FAM110B: variants seen among roughly 807,000 people sequenced by gnomAD.
FAM110B encodes the protein protein FAM110B.
A neutral mutation model predicts 20.4 loss-of-function variants in FAM110B; 6 were observed. The observed-to-expected ratio is 0.29, with a 90% CI of 0.16 to 0.58. The LOEUF (loss-of-function observed/expected upper bound fraction) is 0.58, where lower values mean the gene tolerates loss of function less well. FAM110B is among the 20% of genes least tolerant of loss of function. The probability of loss-of-function intolerance (pLI) is 0.90; values close to 1 mark genes in which losing one functional copy is unlikely to be tolerated. For missense variants in FAM110B, 434 were observed against 498.2 expected (o/e 0.87, Z 1.23); for synonymous variants, 226 against 214.1 (o/e 1.06, Z -0.49).
Position 58,086,981 on chromosome 8 carries a change from G to A in FAM110B, c.-325+11358G>A, listed in dbSNP as rs150379985. On this transcript the variant is annotated intron_variant, in intron 3 of 3. Coordinates refer to ENST00000519262, the MANE Select transcript of FAM110B (RefSeq NM_001377989.1). Reference sequence around the variant, plus strand: ...AGATAGTTGATGGGACACATAGCACGTGATCATGGGGCTAGATCTGAGCTC... The same window carrying A: ...AGATAGTTGATGGGACACATAGCACATGATCATGGGGCTAGATCTGAGCTC... Among the ~76,000 whole-genome samples, 902 of 152,324 alleles carry A rather than the reference G, an allele frequency of 5.9e-3. 9 individuals carry two copies. The highest frequency in any genetic ancestry group is 0.02 in the African/African-American group (817 of 41,576).
rs774009638 is a variant in FAM110B, at chr8:58,146,899, C to T, written c.669C>T (p.Pro223=). Residue 223 remains proline (P), a synonymous_variant, in exon 4 of 4, where the codon CCC becomes CCT. Coordinates refer to ENST00000519262, the MANE Select transcript of FAM110B (RefSeq NM_001377989.1). ...KAIPCSSSAP[P]LPPKPKIAAI... ...TCCCCTGCAGTAGCTCTGCCCCTCCCCTGCCTCCCAAGCCCAAAATCGCAG... is the reference window on the plus strand; with the variant it reads ...TCCCCTGCAGTAGCTCTGCCCCTCCTCTGCCTCCCAAGCCCAAAATCGCAG... 3 of 1,614,238 alleles carry T rather than the reference C, an allele frequency of 1.9e-6. No individual in the cohort carries two copies. Among genetic ancestry groups the T allele is most frequent in the Non-Finnish European group, 2.5e-6 (3 of 1,180,048 alleles).
At chr8:58,108,146 A>G (rs915189121) in intron 3 of FAM110B, among the ~76,000 whole-genome samples, 2 of 152,222 alleles carry the variant, frequency 1.3e-5, no homozygotes, top group Non-Finnish European at 2.9e-5. Context: ...AGAAAAACTT[A>G]AAGAGTTCTT....
At position 58,147,447 on chromosome 8, in the gene FAM110B, C is replaced by T; in HGVS notation, c.*104C>T. 1 of 1,370,422 alleles carries T rather than the reference C, an allele frequency of 7.3e-7. No individual in the cohort carries two copies. Among genetic ancestry groups the T allele is most frequent in the Non-Finnish European group, 9.9e-7 (1 of 1,006,656 alleles). 84.9% of individuals were successfully genotyped at this position (1,370,422 alleles called of 1,614,324 possible). ...GTGAGCTTCTCCACTCTTTGTGTTG[C>T]TTGTTGTGCAATGTTTTCAAGTTGC... On this transcript the variant is annotated 3_prime_UTR_variant, in exon 4 of 4. Transcript: ENST00000519262.
chr8:58,068,764 A>G (rs1213575044), intron 2 of FAM110B, among the ~76,000 whole-genome samples: 2 of 152,156 alleles, frequency 1.3e-5, no homozygotes, highest in African/African-American at 4.8e-5. Context: ...TGTAGAACAC[A>G]TTGAGAAGAA....
At chr8:58,133,209 T>G (rs938249424) in intron 3 of FAM110B, among the ~76,000 whole-genome samples, 3 of 151,912 alleles carry the variant, frequency 2.0e-5, no homozygotes, top group Non-Finnish European at 4.4e-5. Context: ...GATTTTGTTT[T>G]TTTTTTTTTT....
intron 3 of FAM110B, among the ~76,000 whole-genome samples, chr8:58,135,424 T>C (rs1341699253): frequency 1.3e-5 from 2 of 152,218 alleles, no homozygotes; most frequent in Non-Finnish European, 2.9e-5. Context: ...ATTTATCTAA[T>C]ACACTCACAG....
At chr8:58,135,293 T>G (rs778831799) in intron 3 of FAM110B, among the ~76,000 whole-genome samples, 4 of 152,224 alleles carry the variant, frequency 2.6e-5, no homozygotes, top group Non-Finnish European at 5.9e-5. Flanking sequence ...GGACAACATA[T>G]GTGCCTAATA....
chr8:58,093,406 C>T (rs1451310949), intron 3 of FAM110B, among the ~76,000 whole-genome samples: 1 of 151,984 alleles, frequency 6.6e-6, no homozygotes, highest in Non-Finnish European at 1.5e-5. Context: ...GTCTTTAATC[C>T]ATCTTGAGTT....
At chr8:58,004,906 AC>A (rs1183266109) in intron 1 of FAM110B, among the ~76,000 whole-genome samples, 4 of 152,152 alleles carry the variant, frequency 2.6e-5, no homozygotes, top group Admixed American at 2.0e-4. Flanking sequence ...TTTTATCCAG[AC>A]CACTAAAACT....
chr8:58,135,157 A>T (rs1052556678), intron 3 of FAM110B, among the ~76,000 whole-genome samples: 4 of 152,190 alleles, frequency 2.6e-5, no homozygotes, highest in African/African-American at 9.7e-5. Context: ...AACATCTTAG[A>T]CATCCTCTTT....
intron 3 of FAM110B, among the ~76,000 whole-genome samples, chr8:58,089,431 C>T (rs1351157930): frequency 6.6e-6 from 1 of 152,116 alleles, no homozygotes; most frequent in Non-Finnish European, 1.5e-5. Flanking sequence ...TTGCTTTCCA[C>T]AAAAAGATGT....
intron 3 of FAM110B, among the ~76,000 whole-genome samples, chr8:58,095,183 T>C (rs960428060): frequency 6.6e-6 from 1 of 152,148 alleles, no homozygotes; most frequent in East Asian, 1.9e-4. Flanking sequence ...TTGATCTTTC[T>C]AAAAACCAGC....
chr8:57,997,837 G>T (rs956020577), intron 1 of FAM110B, among the ~76,000 whole-genome samples: 1 of 152,206 alleles, frequency 6.6e-6, no homozygotes, highest in South Asian at 2.1e-4. Context: ...ATCCTCGATG[G>T]TTGATGGTGG....
chr8:58,036,770 G>C (rs968930545), intron 2 of FAM110B, among the ~76,000 whole-genome samples: 1 of 152,156 alleles, frequency 6.6e-6, no homozygotes, highest in Non-Finnish European at 1.5e-5. Context: ...TTCCTTATTT[G>C]CTTTAGGTAT....
chr8:58,039,083 T>C (rs1805149238), intron 2 of FAM110B, among the ~76,000 whole-genome samples: 1 of 152,234 alleles, frequency 6.6e-6, no homozygotes, highest in Non-Finnish European at 1.5e-5. Context: ...TTTGACAGAA[T>C]TCCCTGGAGG....
intron 3 of FAM110B, among the ~76,000 whole-genome samples, chr8:58,086,208 A>T (rs1471889076): frequency 6.6e-6 from 1 of 152,218 alleles, no homozygotes; most frequent in Non-Finnish European, 1.5e-5. Flanking sequence ...GGAGCCTTTG[A>T]GAGCATCTCT....
chr8:58,115,551 G>A (rs1428891798), intron 3 of FAM110B, among the ~76,000 whole-genome samples: 6 of 151,964 alleles, frequency 3.9e-5, no homozygotes, highest in African/African-American at 1.2e-4. Flanking sequence ...ATGCCACCAC[G>A]CCTGGCTAAT....
chr8:58,030,747 T>C (rs1051129474), intron 1 of FAM110B, among the ~76,000 whole-genome samples: 9 of 152,164 alleles, frequency 5.9e-5, no homozygotes, highest in African/African-American at 2.2e-4. Flanking sequence ...ACGCAGTCAT[T>C]TGGACTGATG....
At chr8:58,040,944 T>C (rs549976086) in intron 2 of FAM110B, among the ~76,000 whole-genome samples, 1 of 148,012 alleles carries the variant, frequency 6.8e-6, no homozygotes, top group Non-Finnish European at 1.5e-5. Context: ...TCTTTTTTTT[T>C]TTTTTTTTTT....
Sources: gnomAD v4.1 joint callset for allele counts (sites outside exome capture counted in the v4.1 genomes callset) on GRCh38, gnomAD v4.1.1 for gene constraint, MANE v1.5 for transcripts, NCBI Gene and HGNC (gene_info 2026-07-23, HGNC 2026-07-21) for gene names.